The following FHOD3 variants were observed in gnomAD, a reference collection of about 807,000 sequenced individuals.
FHOD3 encodes formin homology 2 domain containing 3.
In FHOD3, 90 loss-of-function variants were observed where a neutral mutation model predicts 173.0. That is an observed-to-expected ratio of 0.52 (90% confidence interval 0.44 to 0.62). FHOD3 has a LOEUF of 0.62. Among genes scored for constraint, FHOD3 ranks in the 20% least tolerant of loss-of-function variants. FHOD3 has a pLI of 0.00. For synonymous variants in FHOD3, 828 were observed against 823.0 expected, an observed-to-expected ratio of 1.01 and a Z score of -0.10; for missense variants, 1,945 against 2,034.7, an observed-to-expected ratio of 0.96 and a Z score of 0.85.
chr18:36,689,609 T>G (rs1345618720), intron 16 of FHOD3, among the ~76,000 whole-genome samples: 1 of 152,178 alleles, frequency 6.6e-6, no homozygotes, highest in East Asian at 1.9e-4. Context: ...GGATAATGAT[T>G]GATTAAAATG....
intron 3 of FHOD3, among the ~76,000 whole-genome samples, chr18:36,469,782 G>A (rs569372047): frequency 6.6e-5 from 10 of 151,382 alleles, no homozygotes; most frequent in East Asian, 2.0e-4. Context: ...AGTTGTGGGC[G>A]CTAGCAAGCC....
chr18:36,764,313 G>A (rs1478182835), intron 27 of FHOD3, among the ~76,000 whole-genome samples: 2 of 151,862 alleles, frequency 1.3e-5, no homozygotes, highest in Non-Finnish European at 2.9e-5. Context: ...ATGAGAAATC[G>A]TTTTGCAGTG....
Position 36,745,903 on chromosome 18 carries a change from G to T in FHOD3, c.4042-1042G>T, listed in dbSNP as rs1400949492. 2.6e-5 allele frequency among the ~76,000 whole-genome samples: 4 copies of T among 151,410 alleles called. No individual in the cohort carries two copies. In the East Asian group the frequency reaches 7.8e-4, roughly 30 times the overall value. The stretch of plus-strand genomic sequence containing the variant: ...CGCACCTCCTGCTGCTCTGACTTTT[G>T]CTTGCTGGACACAGCCTTTCCCATC... On this transcript the variant is annotated intron_variant, in intron 23 of 28. Transcript: ENST00000590592.
At chr18:36,378,987 G>A (rs1287558521) in intron 3 of FHOD3, among the ~76,000 whole-genome samples, 1 of 152,148 alleles carries the variant, frequency 6.6e-6, no homozygotes. Context: ...GTCTGGCCAA[G>A]TCTAGTCCTT....
intron 1 of FHOD3, among the ~76,000 whole-genome samples, chr18:36,345,925 G>A (rs1308532666): frequency 6.6e-6 from 1 of 152,154 alleles, no homozygotes; most frequent in Non-Finnish European, 1.5e-5. Flanking sequence ...TACCACTACC[G>A]ATTCTCAAGA....
At chr18:36,440,222 A>G (rs969388176) in intron 3 of FHOD3, among the ~76,000 whole-genome samples, 1 of 152,142 alleles carries the variant, frequency 6.6e-6, no homozygotes, top group Non-Finnish European at 1.5e-5. Context: ...GGAATAAACT[A>G]CCCAAAAAAC....
chr18:36,672,358 C>T (rs915677673), intron 14 of FHOD3, among the ~76,000 whole-genome samples: 14 of 152,180 alleles, frequency 9.2e-5, no homozygotes, highest in Non-Finnish European at 1.6e-4. Flanking sequence ...TGGCCAGGCT[C>T]ACCTTGAAAA....
At chr18:36,345,599 C>T (rs1052665716) in intron 1 of FHOD3, among the ~76,000 whole-genome samples, 2 of 152,070 alleles carry the variant, frequency 1.3e-5, no homozygotes, top group Non-Finnish European at 2.9e-5. Context: ...CCACCACACC[C>T]AGCTACTTTT....
intron 10 of FHOD3, among the ~76,000 whole-genome samples, chr18:36,639,588 G>A (rs564741540): frequency 2.1e-4 from 32 of 152,060 alleles, no homozygotes; most frequent in African/African-American, 6.3e-4. Flanking sequence ...GCGTGAACCC[G>A]GGAGGCAGAG....
At chr18:36,417,697 A>G (rs953622488) in intron 3 of FHOD3, among the ~76,000 whole-genome samples, 3 of 152,212 alleles carry the variant, frequency 2.0e-5, no homozygotes, top group African/African-American at 7.2e-5. Flanking sequence ...TGTTGTTGAT[A>G]TTGCTCTTCC....
At chr18:36,749,870 C>G (rs567521408) in intron 24 of FHOD3, among the ~76,000 whole-genome samples, 1 of 152,228 alleles carries the variant, frequency 6.6e-6, no homozygotes, top group East Asian at 1.9e-4. Context: ...TTAATTATAA[C>G]CATTTTCACT....
intron 27 of FHOD3, 42 bp downstream of exon 27, chr18:36,760,824 T>G (rs1318977352): frequency 1.3e-6 from 2 of 1,552,822 alleles, no homozygotes; most frequent in Non-Finnish European, 1.7e-6. Context: ...CTTCTCAGGT[T>G]GGCCGCTCTG....
chr18:36,308,283 T>C (rs1440626511), intron 1 of FHOD3, among the ~76,000 whole-genome samples: 2 of 152,224 alleles, frequency 1.3e-5, no homozygotes, highest in Non-Finnish European at 2.9e-5. Flanking sequence ...AGTTGAAGGA[T>C]AAAGATTTCA....
At chr18:36,452,114 T>C (rs1031524840) in intron 3 of FHOD3, among the ~76,000 whole-genome samples, 6 of 152,174 alleles carry the variant, frequency 3.9e-5, no homozygotes, top group African/African-American at 1.4e-4. Context: ...TCGCAGCTCA[T>C]TGTCATCACG....
intron 10 of FHOD3, among the ~76,000 whole-genome samples, chr18:36,632,614 C>T (rs1200140067): frequency 2.0e-5 from 3 of 152,140 alleles, no homozygotes; most frequent in Non-Finnish European, 4.4e-5. Flanking sequence ...AGTCCCGTCC[C>T]GTGTGGCTTT....
intron 6 of FHOD3, among the ~76,000 whole-genome samples, chr18:36,577,262 A>G (rs1213640423): frequency 6.6e-6 from 1 of 152,122 alleles, no homozygotes; most frequent in Non-Finnish European, 1.5e-5. Flanking sequence ...AAAGTAATCA[A>G]TGTTTATTAC....
chr18:36,362,030 T>C (rs1324697655), intron 2 of FHOD3, among the ~76,000 whole-genome samples: 1 of 152,182 alleles, frequency 6.6e-6, no homozygotes, highest in African/African-American at 2.4e-5. Flanking sequence ...CTAAATGCCT[T>C]TAAATGCAAG....
chr18:36,712,402 G>T (rs1222421360), intron 18 of FHOD3, among the ~76,000 whole-genome samples: 1 of 151,652 alleles, frequency 6.6e-6, no homozygotes, highest in Non-Finnish European at 1.5e-5. Flanking sequence ...AAATATCTCA[G>T]CAAAGAAATA....
intron 14 of FHOD3, among the ~76,000 whole-genome samples, chr18:36,678,549 GAAGA>G (rs374492675): frequency 0.1 from 11,203 of 110,422 alleles, 521 homozygotes; most frequent in Non-Finnish European, 0.14. Flanking sequence ...AAAAAAAAAA[GAAGA>G]AAGAAAGAAA....
Sources: gnomAD v4.1 joint callset for allele counts (sites outside exome capture counted in the v4.1 genomes callset) on GRCh38, gnomAD v4.1.1 for gene constraint, MANE v1.5 for transcripts, NCBI Gene and HGNC (gene_info 2026-07-23, HGNC 2026-07-21) for gene names.